RFTN1: variants seen among roughly 807,000 people sequenced by gnomAD.
The protein encoded by RFTN1 is raftlin.
In RFTN1, 26 loss-of-function variants were observed where a neutral mutation model predicts 46.5. That is an observed-to-expected ratio of 0.56 (90% CI 0.41 to 0.78). The LOEUF is 0.78. RFTN1 is among the 30% of genes least tolerant of loss of function. RFTN1 has a pLI of 0.00. For missense variants in RFTN1, 693 were observed against 718.7 expected, an observed-to-expected ratio of 0.96 and a Z score of 0.41; for synonymous variants, 261 against 284.2, an observed-to-expected ratio of 0.92 and a Z score of 0.82.
rs1385864176 is a variant in RFTN1 at position 16,427,348 on chromosome 3, CAG to C, written c.332+6501_332+6502del. Among the ~76,000 whole-genome samples the C allele has an allele frequency of 6.6e-6, 1 of 152,196 alleles. No homozygotes were observed. The highest frequency in any genetic ancestry group is 1.5e-5 in the Non-Finnish European group (1 of 68,030). On this transcript the variant is annotated intron_variant, in intron 3 of 9. Transcript: ENST00000334133. This position sits in a 1 kb window ranked among gnomAD's most constrained non-coding sequence, Gnocchi z 5.4. ...TGCAAGCCCTGTCTTAGAATAAAGA[CAG>C]AGTCTTCAGAATTTTAGATTCTGGG...
rs998854322 is a variant in RFTN1, at chr3:16,499,984, C to T, written c.-8-6107G>A. The stretch of plus-strand genomic sequence containing the variant: ...CACATGTAGGATGTCCAGATACTGC[C>T]GCCATGAAAAGTGTATGGAAAGTGA... On this transcript the variant is annotated intron_variant, in intron 1 of 9. Transcript: ENST00000334133. The surrounding 1 kb of genome is among the most constrained non-coding windows in gnomAD (Gnocchi z 4.9). Among the ~76,000 whole-genome samples the T allele has an allele frequency of 6.6e-5, 10 of 152,166 alleles. No individual in the cohort carries two copies. The highest frequency in any genetic ancestry group is 3.3e-4 in the Admixed American group (5 of 15,280).
At chr3:16,502,448 C>T (rs2076727652) in intron 1 of RFTN1, among the ~76,000 whole-genome samples, 1 of 152,122 alleles carries the variant, frequency 6.6e-6, no homozygotes, top group African/African-American at 2.4e-5. Flanking sequence ...AGCCAGCCTC[C>T]AGGACGACCC....
intron 2 of RFTN1, among the ~76,000 whole-genome samples, chr3:16,441,390 G>A (rs2075621857): frequency 6.6e-6 from 1 of 151,638 alleles, no homozygotes; most frequent in South Asian, 2.1e-4. Flanking sequence ...ACACTCCTGG[G>A]ATAAAGTAAA....
rs1185251368 is a variant in RFTN1, at chr3:16,507,760, C to T, written c.-9+5682G>A. 1.3e-5 allele frequency among the ~76,000 whole-genome samples: 2 copies of T among 151,542 alleles called. No homozygotes were observed. Among genetic ancestry groups the T allele is most frequent in the African/African-American group, 4.8e-5 (2 of 41,296 alleles). ...ACACACATACATGCACACTCACATA[C>T]ACACAAACACACACATACACTCACA... is the stretch of plus-strand genomic sequence containing the variant. On this transcript the variant is annotated intron_variant, in intron 1 of 9. Coordinates refer to ENST00000334133, the MANE Select transcript of RFTN1 (RefSeq NM_015150.2). The surrounding 1 kb of genome is among the most constrained non-coding windows in gnomAD (Gnocchi z 7.1).
Position 16,446,281 on chromosome 3 carries a change from C to G in RFTN1, c.146-12244G>C, listed in dbSNP as rs865789837. On this transcript the variant is annotated intron_variant, in intron 2 of 9. Coordinates refer to ENST00000334133, the MANE Select transcript of RFTN1 (RefSeq NM_015150.2). The surrounding 1 kb of genome is among the most constrained non-coding windows in gnomAD (Gnocchi z 4.5). ...AGCCAGTGTAAAGCTCAGAGGAAAC[C>G]TAGAAACCTTTAAAAAAAAAAAAAC... is the stretch of plus-strand genomic sequence containing the variant. 6.7e-6 allele frequency among the ~76,000 whole-genome samples: 1 copy of G among 149,134 alleles called. No homozygotes were observed. Among genetic ancestry groups the G allele is most frequent in the Middle Eastern group, 3.4e-3 (1 of 294 alleles).
chr3:16,331,959 A>T (rs2070359708), intron 7 of RFTN1, among the ~76,000 whole-genome samples: 1 of 152,250 alleles, frequency 6.6e-6, no homozygotes, highest in African/African-American at 2.4e-5. Context: ...TCTAGATGTC[A>T]GCAATGCTAT....
At chr3:16,399,849 G>A (rs543027377) in intron 4 of RFTN1, among the ~76,000 whole-genome samples, 120 of 152,204 alleles carry the variant, frequency 7.9e-4, no homozygotes, top group African/African-American at 2.7e-3. Flanking sequence ...ACGGTGCCTC[G>A]TTACCCCATC....
chr3:16,329,896 T>G lies in RFTN1; in HGVS notation c.1147-3020A>C, dbSNP rs993019046. 6.6e-5 allele frequency among the ~76,000 whole-genome samples: 10 copies of G among 151,952 alleles called. No individual in the cohort carries two copies. The highest frequency in any genetic ancestry group is 2.2e-4 in the African/African-American group (9 of 41,356). ...ATTGGTGGCTGCATCTCGGGCCAGG[T>G]TTTCTCTGCGGGCACCCAGAGCTGC... On this transcript the variant is annotated intron_variant, in intron 7 of 9. Coordinates refer to ENST00000334133, the MANE Select transcript of RFTN1 (RefSeq NM_015150.2). The surrounding 1 kb of genome is among the most constrained non-coding windows in gnomAD (Gnocchi z 4.5).
chr3:16,418,880 C>G lies in RFTN1; in HGVS notation c.333-9397G>C, dbSNP rs888642011. 6.6e-6 allele frequency among the ~76,000 whole-genome samples: 1 copy of G among 152,112 alleles called. No homozygotes were observed. Among genetic ancestry groups the G allele is most frequent in the Admixed American group, 6.5e-5 (1 of 15,274 alleles). On this transcript the variant is annotated intron_variant, in intron 3 of 9. Transcript: ENST00000334133. The surrounding 1 kb of genome is among the most constrained non-coding windows in gnomAD (Gnocchi z 5.0). ...TATGAGGGATTGAAGGCACTGCCCT[C>G]AAGTCTAGATCCTGCCCTCAAGTCT...
rs1408042590 is a variant in RFTN1 at position 16,395,700 on chromosome 3, CTAATTT to C, written c.441+13669_441+13674del. 2.6e-5 allele frequency among the ~76,000 whole-genome samples: 4 copies of C among 152,246 alleles called. No homozygotes were observed. The East Asian group carries it at 5.8e-4, about 22-fold the overall frequency. On this transcript the variant is annotated intron_variant, in intron 4 of 9. Coordinates refer to ENST00000334133, the MANE Select transcript of RFTN1 (RefSeq NM_015150.2). ...CTGGCCTTAAGCAATCCTCCTGCCT[CTAATTT>C]TAATTTTAAAATGAAAGCAATATGA...
At chr3:16,398,851 C>T (rs538426889) in intron 4 of RFTN1, among the ~76,000 whole-genome samples, 3 of 152,332 alleles carry the variant, frequency 2.0e-5, no homozygotes, top group South Asian at 4.1e-4. Context: ...CTGCCACCTC[C>T]CCTTGGTTAC....
At chr3:16,505,058 G>T (rs1559380600) in intron 1 of RFTN1, among the ~76,000 whole-genome samples, 1 of 152,092 alleles carries the variant, frequency 6.6e-6, no homozygotes, top group Non-Finnish European at 1.5e-5. Flanking sequence ...AAACCAATCT[G>T]CCATCGCAAC....
At chr3:16,350,751 T>C (rs1187187106) in intron 7 of RFTN1, among the ~76,000 whole-genome samples, 1 of 152,146 alleles carries the variant, frequency 6.6e-6, no homozygotes, top group Non-Finnish European at 1.5e-5. Flanking sequence ...GGAGTGATTA[T>C]TCACAGGAAA....
chr3:16,447,994 C>G lies in RFTN1; in HGVS notation c.146-13957G>C, dbSNP rs1437039821. Among the ~76,000 whole-genome samples the G allele has an allele frequency of 3.3e-5, 5 of 150,602 alleles. No homozygotes were observed. Among genetic ancestry groups the G allele is most frequent in the African/African-American group, 2.4e-5 (1 of 41,122 alleles). On this transcript the variant is annotated intron_variant, in intron 2 of 9. Transcript: ENST00000334133. The surrounding 1 kb of genome is among the most constrained non-coding windows in gnomAD (Gnocchi z 5.9). ...TCTCTCCTTCTTTTCTCTCTTTTTT[C>G]TTTTCTTCCTCCCTTCCATCCAGGG...
chr3:16,445,888 C>T (rs1377312227), intron 2 of RFTN1, among the ~76,000 whole-genome samples: 1 of 151,944 alleles, frequency 6.6e-6, no homozygotes, highest in Non-Finnish European at 1.5e-5. Context: ...CAGCATCTAT[C>T]ACAACTTTTA....
At chr3:16,340,301 A>C (rs1276863310) in intron 7 of RFTN1, among the ~76,000 whole-genome samples, 1 of 152,266 alleles carries the variant, frequency 6.6e-6, no homozygotes, top group African/African-American at 2.4e-5. Context: ...GGGCTTGCCC[A>C]CTTGCTGCTT....
intron 2 of RFTN1, among the ~76,000 whole-genome samples, chr3:16,487,148 C>T (rs2076460606): frequency 6.6e-6 from 1 of 152,202 alleles, no homozygotes; most frequent in African/African-American, 2.4e-5. Flanking sequence ...TTGTTTAAGC[C>T]AGTCTGTGGT....
At position 16,326,848 on chromosome 3, in the gene RFTN1, G is replaced by A. The variant is rs2069749391; in HGVS notation, c.1175C>T (p.Pro392Leu). The A allele has an allele frequency of 6.2e-7, 1 of 1,613,954 alleles. No individual in the cohort carries two copies. Among genetic ancestry groups the A allele is most frequent in the Non-Finnish European group, 8.5e-7 (1 of 1,180,012 alleles). ...ATAGGCCGCCAGCGAGTTCAGCAGG[G>A]GCACGTAGTCTGTCTGCACTTCGAC... Reference protein sequence around the residue: ...EGVEVQTDYVPLLNSLAAYGW... With the variant: ...EGVEVQTDYVLLLNSLAAYGW... Residue 392 changes from proline to leucine, a missense_variant, in exon 8 of 10, where the codon CCC becomes CTC. Coordinates refer to ENST00000334133, the MANE Select transcript of RFTN1 (RefSeq NM_015150.2).
rs2072230571 is a variant in RFTN1, at chr3:16,353,546, G to A, written c.1146+4386C>T. Among the ~76,000 whole-genome samples, 1 of 152,074 alleles carries A rather than the reference G, an allele frequency of 6.6e-6. No individual in the cohort carries two copies. The highest frequency in any genetic ancestry group is 1.5e-5 in the Non-Finnish European group (1 of 67,990). On this transcript the variant is annotated intron_variant, in intron 7 of 9. Transcript: ENST00000334133. The surrounding 1 kb of genome is among the most constrained non-coding windows in gnomAD (Gnocchi z 5.4). Reference sequence around the variant, plus strand: ...AATGTTTTAGAAATGAAAATTCTTGGGCCCCATCTCAGAGCCACCGTTAAA... The same window carrying A: ...AATGTTTTAGAAATGAAAATTCTTGAGCCCCATCTCAGAGCCACCGTTAAA...
Sources: gnomAD v4.1 joint callset for allele counts (sites outside exome capture counted in the v4.1 genomes callset) on GRCh38, gnomAD v4.1.1 for gene constraint, Gnocchi (gnomAD v3.1) non-coding constraint, MANE v1.5 for transcripts, NCBI Gene and HGNC (gene_info 2026-07-23, HGNC 2026-07-21) for gene names.